Variants in IVD observed in about 807,000 individuals in gnomAD.
IVD encodes isovaleryl-CoA dehydrogenase, mitochondrial.
IVD carries 31 observed loss-of-function variants against 51.3 expected under a neutral mutation model. That is an observed-to-expected ratio of 0.60 (90% CI 0.45 to 0.81). The LOEUF is 0.81. IVD is among the 40% of genes least tolerant of loss of function. IVD has a pLI of 0.00. For synonymous variants in IVD, 205 were observed against 219.4 expected (o/e 0.93, Z 0.58); for missense variants, 475 against 552.0 (o/e 0.86, Z 1.40).
downstream of IVD, among the ~76,000 whole-genome samples, chr15:40,425,529 T>G (rs1043750589): frequency 4.5e-4 from 68 of 151,574 alleles, 1 homozygote; most frequent in Non-Finnish European, 6.3e-4. Flanking sequence ...TTTTCTTGGT[T>G]TTTTTGTTTG....
downstream of IVD, among the ~76,000 whole-genome samples, chr15:40,426,812 A>G (rs1414819548): frequency 2.0e-5 from 3 of 152,190 alleles, no homozygotes; most frequent in Non-Finnish European, 2.9e-5. Context: ...TCAGATGGCA[A>G]AAGTGTGCAT....
chr15:40,412,237 A>G (rs551074818), intron 6 of IVD, among the ~76,000 whole-genome samples: 1 of 152,346 alleles, frequency 6.6e-6, no homozygotes, highest in East Asian at 1.9e-4. Context: ...GGCAGAACAC[A>G]ATGGTGAGCT....
In IVD at chr15:40,409,640, A is replaced by G. The variant is rs559564185; in HGVS notation, c.287-988A>G. On this transcript the variant is annotated intron_variant, in intron 3 of 11. Coordinates refer to ENST00000487418, the MANE Select transcript of IVD (RefSeq NM_002225.5). ...ATAGGACCTTGCTAGGCTTGACCCA[A>G]TCAGCAGGGCTGGGGGTGGTATCAG... Among the ~76,000 whole-genome samples, 179 of 152,178 alleles carry G rather than the reference A, an allele frequency of 1.2e-3. 5 individuals are homozygous for G. The highest frequency in any genetic ancestry group is 9.0e-4 in the Non-Finnish European group (61 of 67,980).
intron 7 of IVD, among the ~76,000 whole-genome samples, chr15:40,432,009 G>A (rs1030435344): frequency 6.9e-6 from 1 of 144,990 alleles, no homozygotes; most frequent in Non-Finnish European, 1.5e-5. Flanking sequence ...CATCACCCAG[G>A]TTGGAGTGCA....
chr15:40,435,482 G>A, exon 9 of IVD: 1 of 1,255,520 alleles, frequency 8.0e-7, no homozygotes, highest in Non-Finnish European at 1.0e-6. Context: ...GACGTCCCTG[G>A]AGCAGGTGAG....
In IVD at chr15:40,421,256, T is replaced by C. The variant is rs1031500511; in HGVS notation, c.*2993T>C. On this transcript the variant is annotated 3_prime_UTR_variant, in exon 12 of 12. Transcript: ENST00000487418. ...GGAGGTGATTTCTTTCCTGGTTCTA[T>C]ATGTGAAGCAAAATAAATGTTTTAA... The C allele has an allele frequency of 1.2e-5, 12 of 984,796 alleles. No homozygotes were observed. The African/African-American group carries it at 1.7e-4, about 14-fold the overall frequency. The allele number at this position is 984,796 out of a possible 1,614,324, so 61.0% of individuals were successfully genotyped here.
chr15:40,435,670 C>T, downstream of IVD: 13 of 1,040,628 alleles, frequency 1.2e-5, no homozygotes, highest in Non-Finnish European at 1.4e-5. Context: ...TTAGGTGGCC[C>T]TACCCACTTC....
intron 7 of IVD, among the ~76,000 whole-genome samples, chr15:40,432,612 A>G (rs1316675229): frequency 1.3e-5 from 2 of 152,364 alleles, no homozygotes; most frequent in East Asian, 1.9e-4. Context: ...GTTTTGCAAG[A>G]CTAGAGAGGT....
Position 40,420,992 on chromosome 15 carries a change from G to C in IVD, c.*2729G>C. 1.0e-6 allele frequency: 1 copy of C among 985,492 alleles called. No individual in the cohort carries two copies. The highest frequency in any genetic ancestry group is 1.2e-6 in the Non-Finnish European group (1 of 829,968). The allele number at this position is 985,492 out of a possible 1,614,324, so 61.0% of individuals were successfully genotyped here. A position where few individuals can be genotyped will look rare whatever the true frequency, so the allele number is the denominator to read the frequency against. ...CAGCCAAGTGCTGTTCCTAGCCTGA[G>C]GCTTGAGACAGGTGGGGTTGGCTCC... On this transcript the variant is annotated 3_prime_UTR_variant, in exon 12 of 12. Coordinates refer to ENST00000487418, the MANE Select transcript of IVD (RefSeq NM_002225.5).
At chr15:40,429,422 C>A (rs1271741228), downstream of IVD, among the ~76,000 whole-genome samples, 1 of 152,190 alleles carries the variant, frequency 6.6e-6, no homozygotes, top group East Asian at 1.9e-4. Context: ...GGGAGATAGA[C>A]ATAAAAACTA....
chr15:40,429,409 T>C (rs1180429247), downstream of IVD, among the ~76,000 whole-genome samples: 3 of 152,230 alleles, frequency 2.0e-5, no homozygotes, highest in East Asian at 1.9e-4. Flanking sequence ...TACGAGTTAG[T>C]TGGGGAGATA....
chr15:40,412,632 A>G, intron 6 of IVD: 1 of 337,164 alleles, frequency 3.0e-6, no homozygotes, highest in South Asian at 2.5e-5. Context: ...AGACAGGAGA[A>G]CAACAGAGGA....
rs28940889 is a variant in IVD, at chr15:40,415,454, C to T, written c.932C>T (p.Ala311Val). The T allele has an allele frequency of 9.0e-4, 1,455 of 1,614,156 alleles. No individual in the cohort carries two copies. The highest frequency in any genetic ancestry group is 1.2e-3 in the Non-Finnish European group (1,360 of 1,180,018). Residue 311 changes from alanine (A) to valine (V), a missense_variant, in exon 9 of 12, where the codon GCC (alanine) becomes GTC (valine). Transcript: ENST00000487418. ...HTIPYLHVREAFGQKIGHFQL... is the reference protein window; with the variant it reads ...HTIPYLHVREVFGQKIGHFQL... ...ATTCCCTACCTGCACGTGAGGGAAG[C>T]CTTTGGCCAGAAGATCGGCCACTTC...
In IVD at chr15:40,418,125, T is replaced by G; in HGVS notation, c.1139-5T>G. 1.2e-6 allele frequency: 2 copies of G among 1,614,132 alleles called. No individual in the cohort carries two copies. Among genetic ancestry groups the G allele is most frequent in the Non-Finnish European group, 1.7e-6 (2 of 1,180,008 alleles). ...CTTTCTTCTCTGCCCAAACCCTGGT[T>G]GCAGGTGGCAATGGCTACATCAATG... On this transcript the variant is annotated splice_region_variant and splice_polypyrimidine_tract_variant and intron_variant, in intron 11 of 11. Coordinates refer to ENST00000487418, the MANE Select transcript of IVD (RefSeq NM_002225.5).
intron 1 of IVD, 32 bp downstream of exon 1, chr15:40,406,003 G>A (rs1046280910): frequency 7.2e-6 from 9 of 1,253,692 alleles, no homozygotes; most frequent in Non-Finnish European, 1.0e-5. Context: ...CTGGCCCCAA[G>A]GCCTCCTTCC....
intron 4 of IVD, 71 bp downstream of exon 4, chr15:40,410,868 T>C: frequency 6.4e-7 from 1 of 1,553,798 alleles, no homozygotes; most frequent in Non-Finnish European, 8.8e-7. Context: ...CCCTCTCCCC[T>C]TGGGGGCCAG....
downstream of IVD, among the ~76,000 whole-genome samples, chr15:40,426,192 G>A (rs979312535): frequency 1.3e-5 from 2 of 151,888 alleles, no homozygotes; most frequent in Non-Finnish European, 2.9e-5. Flanking sequence ...CAATTTAATT[G>A]TCCATTCTAC....
chr15:40,418,198 G>C lies in IVD; in HGVS notation c.1207G>C (p.Gly403Arg), dbSNP rs1258795381. ...TCGAGATGCCAAGCTGTATGAGATA[G>C]GGGCTGGGACCAGCGAGGTGAGGCG... is the stretch of plus-strand genomic sequence containing the variant. ...FLRDAKLYEIGAGTSEVRRLV... is the reference protein window; with the variant it reads ...FLRDAKLYEIRAGTSEVRRLV... Residue 403 changes from glycine (G) to arginine (R), a missense_variant, in exon 12 of 12, where the codon GGG becomes CGG. Gly to Arg is a moderately radical substitution (Grantham distance 125). Transcript: ENST00000487418. 1 of 1,614,224 alleles carries C rather than the reference G, an allele frequency of 6.2e-7. No individual in the cohort carries two copies. The highest frequency in any genetic ancestry group is 1.7e-5 in the Admixed American group (1 of 60,024).
downstream of IVD, chr15:40,435,704 C>T: frequency 9.8e-7 from 1 of 1,019,276 alleles, no homozygotes; most frequent in Non-Finnish European, 1.2e-6. Flanking sequence ...GCTGCCTCAC[C>T]CCTATACCAC....
Sources: allele counts gnomAD v4.1 joint callset (sites outside exome capture counted in the v4.1 genomes callset), GRCh38; gene constraint gnomAD v4.1.1; transcripts MANE v1.5; gene names NCBI Gene and HGNC (gene_info 2026-07-23, HGNC 2026-07-21).